Variants in PRKDC observed in about 807,000 individuals in gnomAD.
The protein encoded by PRKDC is DNA-dependent protein kinase catalytic subunit.
Under a neutral mutation model 486.9 loss-of-function variants are expected in PRKDC, and 82 were observed. The ratio of observed to expected loss-of-function variants is 0.17; its 90% CI spans 0.14 to 0.20. The LOEUF is 0.20. Among genes scored for constraint, PRKDC ranks in the 10% least tolerant of loss-of-function variants. PRKDC has a pLI of 1.00. For missense variants in PRKDC, 4,504 were observed against 5,038.2 expected (o/e 0.89, Z 3.21); for synonymous variants, 1,895 against 1,837.0 (o/e 1.03, Z -0.81).
chr8:47,957,338 C>T lies in PRKDC; in HGVS notation c.231+17G>A, dbSNP rs2090721054. On this transcript the variant is annotated intron_variant, in intron 2 of 85. Transcript: ENST00000314191. ...CAGGAATATACAAGAAAAGCAAAACCAAAATTGTCAACTTACTTCAATACT... is the reference window on the plus strand; with the variant it reads ...CAGGAATATACAAGAAAAGCAAAACTAAAATTGTCAACTTACTTCAATACT... 1 of 1,594,516 alleles carries T rather than the reference C, an allele frequency of 6.3e-7. No homozygotes were observed. The highest frequency in any genetic ancestry group is 1.3e-5 in the African/African-American group (1 of 74,542).
At chr8:47,842,287 T>A (rs1471233935) in intron 54 of PRKDC, among the ~76,000 whole-genome samples, 1 of 152,172 alleles carries the variant, frequency 6.6e-6, no homozygotes, top group Non-Finnish European at 1.5e-5. Flanking sequence ...CACAGAGCAC[T>A]GTGCTGAACG....
rs192169045 is a variant in PRKDC at position 47,885,803 on chromosome 8, A to T, written c.4776+141T>A. 1.8e-4 allele frequency: 135 copies of T among 759,764 alleles called. 1 individual carries two copies. Among genetic ancestry groups the T allele is most frequent in the South Asian group, 1.3e-3 (70 of 53,638 alleles). 47.1% of individuals were successfully genotyped at this position (759,764 alleles called of 1,614,324 possible). A position where few individuals can be genotyped will look rare whatever the true frequency, so the allele number is the denominator to read the frequency against. On this transcript the variant is annotated intron_variant, in intron 36 of 85. Coordinates refer to ENST00000314191, the MANE Select transcript of PRKDC (RefSeq NM_006904.7). ...GCTACTCGGGAGGCTGAGGCAGGAGAATCGCTTCAATCTGGGATGCAGAGG... is the reference window on the plus strand; with the variant it reads ...GCTACTCGGGAGGCTGAGGCAGGAGTATCGCTTCAATCTGGGATGCAGAGG...
At chr8:47,877,923 C>A in intron 39 of PRKDC, 72 bp from the exon 40 acceptor site, 1 of 1,134,070 alleles carries the variant, frequency 8.8e-7, no homozygotes, top group Non-Finnish European at 1.1e-6. Context: ...AAATTATATA[C>A]TAAAAATATA....
At chr8:47,880,731 A>G (rs949363046) in intron 38 of PRKDC, among the ~76,000 whole-genome samples, 1 of 152,192 alleles carries the variant, frequency 6.6e-6, no homozygotes, top group Non-Finnish European at 1.5e-5. Flanking sequence ...ATGTTAATTC[A>G]TCCAAATATG....
chr8:47,820,953 A>G lies in PRKDC; in HGVS notation c.9112-10T>C, dbSNP rs1381204158. On this transcript the variant is annotated splice_polypyrimidine_tract_variant and intron_variant, in intron 65 of 85. Coordinates refer to ENST00000314191, the MANE Select transcript of PRKDC (RefSeq NM_006904.7). ...AAGGTAGATATGTTTCCTAAGGAAC[A>G]TAAAAATATACTTGTAACTACAGAA... 2 of 1,524,888 alleles carry G rather than the reference A, an allele frequency of 1.3e-6. No homozygotes were observed. Among genetic ancestry groups the G allele is most frequent in the Non-Finnish European group, 1.8e-6 (2 of 1,129,004 alleles). The allele number at this position is 1,524,888 out of a possible 1,614,324, so 94.5% of individuals were successfully genotyped here.
intron 21 of PRKDC, chr8:47,926,891 G>C: frequency 4.8e-6 from 1 of 206,726 alleles, no homozygotes; most frequent in Non-Finnish European, 9.5e-6. Context: ...AGTTTTTTTT[G>C]CAAAGCAGTG....
intron 63 of PRKDC, among the ~76,000 whole-genome samples, chr8:47,825,153 G>C (rs1452807417): frequency 6.6e-6 from 1 of 152,148 alleles, no homozygotes; most frequent in Admixed American, 6.5e-5. Context: ...ACTCAGGAAA[G>C]AGATCACCTA....
intron 30 of PRKDC, among the ~76,000 whole-genome samples, chr8:47,896,683 C>T (rs1339274109): frequency 6.6e-6 from 1 of 151,766 alleles, no homozygotes; most frequent in Non-Finnish European, 1.5e-5. Context: ...CCAACTTTTG[C>T]CAAGGAACCA....
chr8:47,862,546 A>G lies in PRKDC; in HGVS notation c.5751-5T>C. 6.3e-7 allele frequency: 1 copy of G among 1,594,426 alleles called. No homozygotes were observed. Among genetic ancestry groups the G allele is most frequent in the East Asian group, 2.2e-5 (1 of 44,496 alleles). On this transcript the variant is annotated splice_region_variant and splice_polypyrimidine_tract_variant and intron_variant, in intron 42 of 85. Transcript: ENST00000314191. ...GTAAATGCATCGTAGCACAATCTGC[A>G]GAGAGATCCATGTGACAAATCAATT...
In PRKDC at chr8:47,852,008, C is replaced by T. The variant is rs4873736; in HGVS notation, c.7005+665G>A. ...GCATATGCCTGTAGTCCCAGCTACT[C>T]GGGAGGCTAAGGTGGGAGGATGGCT... On this transcript the variant is annotated intron_variant, in intron 52 of 85. Coordinates refer to ENST00000314191, the MANE Select transcript of PRKDC (RefSeq NM_006904.7). Among the ~76,000 whole-genome samples the T allele has an allele frequency of 4.6e-3, 697 of 152,230 alleles. 26 individuals are homozygous for T. Among genetic ancestry groups the T allele is most frequent in the Admixed American group, 0.044 (666 of 15,294 alleles).
Position 47,927,877 on chromosome 8 carries a change from A to C in PRKDC, c.2153T>G (p.Met718Arg), listed in dbSNP as rs774815990. ...VKFGKEVAVK[M>R]KQYKDELLAS... ...CAAAAGTTCATCTTTGTACTGCTTCATTTTAACTGCCACCTTAACAAGAAA... is the reference window on the plus strand; with the variant it reads ...CAAAAGTTCATCTTTGTACTGCTTCCTTTTAACTGCCACCTTAACAAGAAA... Residue 718 changes from methionine to arginine, a missense_variant, in exon 20 of 86, where the codon ATG (methionine) becomes AGG (arginine). By Grantham distance (91) the Met-to-Arg change is moderately conservative. Around this residue, in one of 6 missense-constraint regions of PRKDC, gnomAD observed 1,969 missense variants for 2,068.9 expected, o/e 0.95. Transcript: ENST00000314191. 6.3e-7 allele frequency: 1 copy of C among 1,574,878 alleles called. No homozygotes were observed. The highest frequency in any genetic ancestry group is 8.6e-7 in the Non-Finnish European group (1 of 1,163,044).
Position 47,930,027 on chromosome 8 carries a change from T to C in PRKDC, c.1893-15A>G. On this transcript the variant is annotated splice_polypyrimidine_tract_variant and intron_variant, in intron 17 of 85. Coordinates refer to ENST00000314191, the MANE Select transcript of PRKDC (RefSeq NM_006904.7). The stretch of plus-strand genomic sequence containing the variant: ...GGAGAATCTCTCTGTAAAAACAAAT[T>C]AGAAATTGAAGGTAGAAATTTGTAT... The C allele has an allele frequency of 6.3e-7, 1 of 1,589,556 alleles. No homozygotes were observed. The highest frequency in any genetic ancestry group is 8.5e-7 in the Non-Finnish European group (1 of 1,170,318).
intron 56 of PRKDC, among the ~76,000 whole-genome samples, chr8:47,837,876 G>A (rs981850308): frequency 1.3e-5 from 2 of 152,038 alleles, no homozygotes; most frequent in African/African-American, 2.4e-5. Flanking sequence ...TGGCTCAGGC[G>A]TGTAATCCCA....
In PRKDC at chr8:47,874,095, C is replaced by G. The variant is rs560388591; in HGVS notation, c.5363+3629G>C. On this transcript the variant is annotated intron_variant, in intron 40 of 85. Coordinates refer to ENST00000314191, the MANE Select transcript of PRKDC (RefSeq NM_006904.7). ...GGTAGCTGGGACTACAGGCGCCCAC[C>G]ACCACGCCCGGCTAATTTTTTTTTT... Among the ~76,000 whole-genome samples, 294 of 151,396 alleles carry G rather than the reference C, an allele frequency of 1.9e-3. 1 individual carries two copies. Among genetic ancestry groups the G allele is most frequent in the Non-Finnish European group, 3.2e-3 (214 of 67,834 alleles).
rs767959125 is a variant in PRKDC at position 47,893,306 on chromosome 8, C to T, written c.3680G>A (p.Gly1227Asp). The T allele has an allele frequency of 1.2e-6, 2 of 1,606,858 alleles. No homozygotes were observed. Among genetic ancestry groups the T allele is most frequent in the African/African-American group, 1.3e-5 (1 of 74,906 alleles). Residue 1227 changes from glycine (G) to aspartate (D), a missense_variant, in exon 31 of 86, where the codon GGT becomes GAT. By Grantham distance (94) the Gly-to-Asp change is moderately conservative. Transcript: ENST00000314191. ...GATGCCCGAGGGCTGGCCACAGCCA[C>T]CCCCCTCAAAGGTGTTGATGAGAAA... ...VSFLINTFEG[G>D]GCGQPSGILA...
intron 54 of PRKDC, among the ~76,000 whole-genome samples, chr8:47,844,372 C>T (rs982132645): frequency 4.6e-5 from 7 of 152,188 alleles, no homozygotes; most frequent in Admixed American, 2.0e-4. Context: ...AAGTACCTAA[C>T]TTTGGAGCAC....
chr8:47,918,337 G>A lies in PRKDC; in HGVS notation c.2466C>T (p.Ala822=), dbSNP rs1288218976. The part of the protein sequence containing the change: ...NWEVSALSRA[A]QKGFNKVVLK... Reference sequence around the variant, plus strand: ...ACACCACTTTATTAAATCCTTTCTGGGCAGCCCGAGAAAGAGCTGACACTT... The same window carrying A: ...ACACCACTTTATTAAATCCTTTCTGAGCAGCCCGAGAAAGAGCTGACACTT... The change falls in exon 22 of 86, where the codon GCC becomes GCT. Residue 822 remains alanine (A), a synonymous_variant. Coordinates refer to ENST00000314191, the MANE Select transcript of PRKDC (RefSeq NM_006904.7). 7 of 1,594,916 alleles carry A rather than the reference G, an allele frequency of 4.4e-6. No homozygotes were observed. The Middle Eastern group carries it at 5.0e-4, about 114-fold the overall frequency.
chr8:47,910,735 G>A (rs570272805), intron 25 of PRKDC, among the ~76,000 whole-genome samples: 54 of 152,038 alleles, frequency 3.6e-4, no homozygotes, highest in Non-Finnish European at 6.9e-4. Flanking sequence ...GGGAAACGAC[G>A]TTTTTTTCAA....
chr8:47,782,676 G>C lies in PRKDC; in HGVS notation c.11176-78C>G, dbSNP rs2086718075. The stretch of plus-strand genomic sequence containing the variant: ...CAGAGGGAAAAGCCAGAGTGGCTGT[G>C]AGCATTCCTCCGTGGGGCCGCCCTC... On this transcript the variant is annotated intron_variant, in intron 78 of 85. Transcript: ENST00000314191. This position sits in a 1 kb window ranked among gnomAD's most constrained non-coding sequence, Gnocchi z 4.9. 9 of 1,471,586 alleles carry C rather than the reference G, an allele frequency of 6.1e-6. No individual in the cohort carries two copies. In the Admixed American group the frequency reaches 8.0e-5, roughly 13 times the overall value. The allele number at this position is 1,471,586 out of a possible 1,614,324, so 91.2% of individuals were successfully genotyped here. A position where few individuals can be genotyped will look rare whatever the true frequency, so the allele number is the denominator to read the frequency against.
Sources: allele counts gnomAD v4.1 joint callset (sites outside exome capture counted in the v4.1 genomes callset), GRCh38; gene constraint gnomAD v4.1.1; regional missense constraint gnomAD v4.1.1; non-coding constraint Gnocchi (gnomAD v3.1); transcripts MANE v1.5; gene names NCBI Gene and HGNC (gene_info 2026-07-23, HGNC 2026-07-21).